The following FMN1 variants were observed in gnomAD, a reference collection of about 807,000 sequenced individuals.
FMN1 encodes the protein formin-1.
Under a neutral mutation model 132.4 loss-of-function variants are expected in FMN1, and 110 were observed. The ratio of observed to expected loss-of-function variants is 0.83; its 90% CI spans 0.71 to 0.97. The LOEUF (loss-of-function observed/expected upper bound fraction) is 0.97, where lower values mean the gene tolerates loss of function less well. Ranked by LOEUF, FMN1 falls within the 50% of genes least tolerant of loss-of-function variation. The pLI is 0.00. For missense variants in FMN1, 1,792 were observed against 1,705.3 expected, an observed-to-expected ratio of 1.05 and a Z score of -0.90; for synonymous variants, 722 against 651.7, an observed-to-expected ratio of 1.11 and a Z score of -1.64.
chr15:33,096,517 C>T (rs972655292), intron 4 of FMN1, among the ~76,000 whole-genome samples: 1 of 152,190 alleles, frequency 6.6e-6, no homozygotes, highest in East Asian at 1.9e-4. Context: ...TCCTATCTCC[C>T]TTCCTCCACC....
In FMN1 at chr15:33,153,659, T is replaced by C. The variant is rs1281533948; in HGVS notation, c.1256A>G (p.Lys419Arg). ...ACTCTCTATCACCTTCAGGGGGACC[T>C]TGTTCACGGCCCCCTCGGCACTGGC... ...VSASAEGAVN[K>R]VPLKVIESEK... Residue 419 changes from lysine to arginine, a missense_variant, in exon 4 of 21, where the codon AAG (lysine) becomes AGG (arginine). Lys to Arg is a conservative substitution (Grantham distance 26, BLOSUM62 2). Transcript: ENST00000616417. The C allele has an allele frequency of 6.5e-7, 1 of 1,536,348 alleles. No individual in the cohort carries two copies. The highest frequency in any genetic ancestry group is 1.2e-5 in the South Asian group (1 of 84,058).
chr15:32,829,515 GAGT>G (rs960620310), intron 17 of FMN1, among the ~76,000 whole-genome samples: 2 of 152,182 alleles, frequency 1.3e-5, no homozygotes, highest in African/African-American at 4.8e-5. Context: ...GTGGCTGCTG[GAGT>G]AGAATGGTGG....
chr15:33,012,695 G>C, intron 6 of FMN1: 1 of 799,464 alleles, frequency 1.3e-6, no homozygotes, highest in Admixed American at 1.7e-5. Flanking sequence ...TCCAGCCAAA[G>C]AGGACATAGT....
chr15:32,786,519 C>T (rs1463860418), intron 19 of FMN1, among the ~76,000 whole-genome samples: 2 of 152,058 alleles, frequency 1.3e-5, no homozygotes, highest in African/African-American at 4.8e-5. Flanking sequence ...GGATGAAATA[C>T]AAAAAGGAGT....
rs182283619 is a variant in FMN1, at chr15:32,865,768, G to A, written c.3836-8661C>T. ...GGAGAATCACCTGAACCTGGGAGGC[G>A]GAAGTTGTGGTAAGCTGAGATCATG... is the stretch of plus-strand genomic sequence containing the variant. On this transcript the variant is annotated intron_variant, in intron 16 of 20. Coordinates refer to ENST00000616417, the MANE Select transcript of FMN1 (RefSeq NM_001277313.2). Among the ~76,000 whole-genome samples, 189 of 151,762 alleles carry A rather than the reference G, an allele frequency of 1.2e-3. 3 individuals carry two copies. Among genetic ancestry groups the A allele is most frequent in the South Asian group, 3.5e-3 (17 of 4,796 alleles).
chr15:33,007,202 T>C (rs1289804888), intron 7 of FMN1, among the ~76,000 whole-genome samples: 1 of 152,128 alleles, frequency 6.6e-6, no homozygotes, highest in African/African-American at 2.4e-5. Context: ...ATTCGCAAAC[T>C]AACAAATTTT....
chr15:32,939,626 T>C (rs547046197), intron 9 of FMN1, among the ~76,000 whole-genome samples: 12 of 152,296 alleles, frequency 7.9e-5, no homozygotes, highest in African/African-American at 2.4e-4. Context: ...AGCTAACTTT[T>C]AGACAGAAAA....
At chr15:32,876,671 T>C (rs1433286320) in intron 16 of FMN1, among the ~76,000 whole-genome samples, 1 of 152,224 alleles carries the variant, frequency 6.6e-6, no homozygotes, top group Non-Finnish European at 1.5e-5. Context: ...TTTTAAAAGA[T>C]TGAGAACAAT....
At chr15:32,896,410 C>T (rs980621185) in intron 15 of FMN1, among the ~76,000 whole-genome samples, 5 of 152,050 alleles carry the variant, frequency 3.3e-5, no homozygotes, top group African/African-American at 1.2e-4. Flanking sequence ...TAATGCCACT[C>T]CTTACTGTGG....
intron 18 of FMN1, among the ~76,000 whole-genome samples, chr15:32,804,059 T>A (rs190845254): frequency 6.6e-6 from 1 of 152,242 alleles, no homozygotes; most frequent in African/African-American, 2.4e-5. Context: ...ATGAGGTAGC[T>A]AAAGTAGTCG....
intron 6 of FMN1, chr15:33,063,233 G>A (rs1595383295): frequency 6.6e-6 from 1 of 152,336 alleles, no homozygotes. Context: ...CTTTGGGTTT[G>A]GCCAATGGGA....
chr15:33,088,326 G>C (rs997547389), intron 5 of FMN1, among the ~76,000 whole-genome samples: 1 of 152,218 alleles, frequency 6.6e-6, no homozygotes, highest in African/African-American at 2.4e-5. Flanking sequence ...ATATTCTGCA[G>C]ATTTTCTGCC....
In FMN1 at chr15:32,984,077, A is replaced by G. The variant is rs145290446; in HGVS notation, c.2224-14600T>C. On this transcript the variant is annotated intron_variant, in intron 7 of 20. Transcript: ENST00000616417. ...TGTTTTCTACCGCATTATACTTATG[A>G]TGAGTGTGATTTTTTTCATATTTCA... 7.4e-3 allele frequency among the ~76,000 whole-genome samples: 1,127 copies of G among 152,108 alleles called. 11 individuals carry two copies. Among genetic ancestry groups the G allele is most frequent in the African/African-American group, 0.026 (1,067 of 41,506 alleles).
At chr15:32,928,308 T>G (rs1352434085) in intron 9 of FMN1, among the ~76,000 whole-genome samples, 1 of 151,974 alleles carries the variant, frequency 6.6e-6, no homozygotes, top group Non-Finnish European at 1.5e-5. Context: ...CAGTAATTTT[T>G]TATATGAAAG....
intron 6 of FMN1, among the ~76,000 whole-genome samples, chr15:33,040,051 C>A (rs943628959): frequency 5.9e-5 from 9 of 152,218 alleles, no homozygotes; most frequent in Non-Finnish European, 1.2e-4. Flanking sequence ...AATCTCCCTC[C>A]CCATGGAAGA....
At chr15:32,803,429 T>C (rs907346221) in intron 18 of FMN1, among the ~76,000 whole-genome samples, 3 of 152,132 alleles carry the variant, frequency 2.0e-5, no homozygotes, top group African/African-American at 7.2e-5. Context: ...CTGCTGATGA[T>C]TAGGTTCCAC....
intron 3 of FMN1, among the ~76,000 whole-genome samples, chr15:33,175,090 A>C (rs1965470373): frequency 6.6e-6 from 1 of 151,780 alleles, no homozygotes; most frequent in South Asian, 2.1e-4. Context: ...CAGTGGCATG[A>C]TTATGGCTCA....
chr15:32,873,717 TGA>T (rs896674052), intron 16 of FMN1, among the ~76,000 whole-genome samples: 12 of 152,166 alleles, frequency 7.9e-5, no homozygotes, highest in African/African-American at 2.9e-4. Flanking sequence ...TAGTATCCAC[TGA>T]GAGGCTAGGT....
intron 17 of FMN1, among the ~76,000 whole-genome samples, chr15:32,842,397 ACTAG>A (rs1461919528): frequency 2.6e-5 from 4 of 152,322 alleles, no homozygotes; most frequent in Non-Finnish European, 5.9e-5. Context: ...TGAAGCAAGA[ACTAG>A]CCAGTTAAGT....
Sources: allele counts gnomAD v4.1 joint callset (sites outside exome capture counted in the v4.1 genomes callset), GRCh38; gene constraint gnomAD v4.1.1; transcripts MANE v1.5; gene names NCBI Gene and HGNC (gene_info 2026-07-23, HGNC 2026-07-21).